Variants in ALK observed in about 807,000 individuals in gnomAD.
The protein encoded by ALK is ALK tyrosine kinase receptor.
A neutral mutation model predicts 163.1 loss-of-function variants in ALK; 74 were observed. The observed-to-expected ratio is 0.45, with a 90% confidence interval of 0.38 to 0.55. The LOEUF (loss-of-function observed/expected upper bound fraction) is 0.55. ALK is among the 20% of genes least tolerant of loss of function. The pLI, the probability that ALK is intolerant of heterozygous loss-of-function variation, is 0.00. For missense variants in ALK, 2,063 were observed against 2,105.3 expected (o/e 0.98, Z 0.39); for synonymous variants, 960 against 843.2 (o/e 1.14, Z -2.40).
intron 2 of ALK, among the ~76,000 whole-genome samples, chr2:29,699,227 G>A (rs1678659154): frequency 6.6e-6 from 1 of 152,158 alleles, no homozygotes; most frequent in African/African-American, 2.4e-5. Flanking sequence ...CAGGGGCAGG[G>A]GTGGGAAACT....
intron 1 of ALK, among the ~76,000 whole-genome samples, chr2:29,750,675 G>A (rs1029998494): frequency 7.1e-6 from 1 of 140,768 alleles, no homozygotes; most frequent in Non-Finnish European, 1.6e-5. Flanking sequence ...AAGGAAGGAA[G>A]GAAGGAAGGA....
At chr2:29,771,518 A>T (rs1190771422) in intron 1 of ALK, among the ~76,000 whole-genome samples, 1 of 151,628 alleles carries the variant, frequency 6.6e-6, no homozygotes, top group Non-Finnish European at 1.5e-5. Flanking sequence ...TATGACTTGC[A>T]CCCTGGAATT....
At chr2:29,503,420 T>C (rs1672236500) in intron 4 of ALK, among the ~76,000 whole-genome samples, 1 of 152,160 alleles carries the variant, frequency 6.6e-6, no homozygotes, top group Non-Finnish European at 1.5e-5. Context: ...TGAGTGAAGG[T>C]TGGTGGAGAT....
intron 1 of ALK, among the ~76,000 whole-genome samples, chr2:29,786,058 G>A (rs540604143): frequency 3.3e-5 from 5 of 151,754 alleles, no homozygotes; most frequent in Non-Finnish European, 7.4e-5. Flanking sequence ...TTCCATTTTC[G>A]CCTTCACTCA....
chr2:29,760,908 C>A (rs905759102), intron 1 of ALK, among the ~76,000 whole-genome samples: 1 of 152,160 alleles, frequency 6.6e-6, no homozygotes, highest in African/African-American at 2.4e-5. Flanking sequence ...CACCTACATG[C>A]ATCCAGAGTC....
intron 6 of ALK, among the ~76,000 whole-genome samples, chr2:29,324,572 C>A (rs1262717304): frequency 5.9e-5 from 9 of 152,172 alleles, no homozygotes; most frequent in African/African-American, 2.2e-4. Context: ...AGAGTATCCC[C>A]AGCACACAGA....
intron 3 of ALK, among the ~76,000 whole-genome samples, chr2:29,641,213 T>TGA (rs1372149790): frequency 1.3e-5 from 2 of 152,008 alleles, no homozygotes; most frequent in Non-Finnish European, 2.9e-5. Flanking sequence ...CAGTTCACAG[T>TGA]TCTGATGATC....
chr2:29,783,357 T>C (rs982677792), intron 1 of ALK, among the ~76,000 whole-genome samples: 1 of 152,198 alleles, frequency 6.6e-6, no homozygotes, highest in African/African-American at 2.4e-5. Context: ...CAAGTCACAG[T>C]TTTGCTGTAG....
chr2:29,416,043 G>C (rs1039288251), intron 4 of ALK, among the ~76,000 whole-genome samples: 3 of 152,182 alleles, frequency 2.0e-5, no homozygotes, highest in Non-Finnish European at 4.4e-5. Flanking sequence ...CAGTTTTCCT[G>C]CTTCTCCAGT....
chr2:29,913,789 T>C (rs776840358), intron 1 of ALK, among the ~76,000 whole-genome samples: 10 of 152,198 alleles, frequency 6.6e-5, no homozygotes, highest in Non-Finnish European at 1.3e-4. Flanking sequence ...AAAGTTTAAC[T>C]GCTCTTAATG....
intron 1 of ALK, among the ~76,000 whole-genome samples, chr2:29,740,946 G>C (rs1301857179): frequency 6.6e-6 from 1 of 152,148 alleles, no homozygotes; most frequent in Non-Finnish European, 1.5e-5. Context: ...AGGTTGCAGT[G>C]AGCAGTGATC....
intron 9 of ALK, among the ~76,000 whole-genome samples, chr2:29,288,864 A>G (rs1339863137): frequency 6.6e-6 from 1 of 151,370 alleles, no homozygotes; most frequent in Non-Finnish European, 1.5e-5. Flanking sequence ...AGGCAGGAGA[A>G]TCGCTTGAAC....
chr2:29,497,138 G>T (rs1672049247), intron 4 of ALK, among the ~76,000 whole-genome samples: 1 of 152,150 alleles, frequency 6.6e-6, no homozygotes, highest in Non-Finnish European at 1.5e-5. Flanking sequence ...CAGGCATGGT[G>T]GTGGGCGCCT....
intron 4 of ALK, among the ~76,000 whole-genome samples, chr2:29,450,361 A>G (rs1437984286): frequency 6.6e-6 from 1 of 152,112 alleles, no homozygotes; most frequent in African/African-American, 2.4e-5. Flanking sequence ...TGCGGTCCCA[A>G]TTGGGCCAGC....
chr2:29,817,991 A>C (rs985074519), intron 1 of ALK, among the ~76,000 whole-genome samples: 1 of 152,198 alleles, frequency 6.6e-6, no homozygotes, highest in Non-Finnish European at 1.5e-5. Context: ...CCTGTGCTAG[A>C]ATACTAACGC....
intron 23 of ALK, among the ~76,000 whole-genome samples, chr2:29,215,005 C>T (rs1669563116): frequency 6.6e-6 from 1 of 152,202 alleles, no homozygotes; most frequent in South Asian, 2.1e-4. Context: ...CCAGGATTTA[C>T]CTGGAGGAGT....
intron 6 of ALK, among the ~76,000 whole-genome samples, chr2:29,327,060 G>T (rs1349216414): frequency 6.6e-6 from 1 of 152,212 alleles, no homozygotes; most frequent in Non-Finnish European, 1.5e-5. Context: ...TTTTCCAGCT[G>T]CCTGTAGGTA....
intron 1 of ALK, among the ~76,000 whole-genome samples, chr2:29,894,472 A>G (rs1162706615): frequency 6.6e-6 from 1 of 152,100 alleles, no homozygotes; most frequent in Non-Finnish European, 1.5e-5. Context: ...GTTAAGCCTG[A>G]CTTTTGCAGG....
intron 4 of ALK, among the ~76,000 whole-genome samples, chr2:29,469,940 C>T (rs1052131592): frequency 6.6e-6 from 1 of 152,040 alleles, no homozygotes; most frequent in Non-Finnish European, 1.5e-5. Flanking sequence ...TAAAAACAGA[C>T]CTTGAAGTCT....
Sources: allele counts gnomAD v4.1 joint callset (sites outside exome capture counted in the v4.1 genomes callset), GRCh38; gene constraint gnomAD v4.1.1; transcripts MANE v1.5; gene names NCBI Gene and HGNC (gene_info 2026-07-23, HGNC 2026-07-21).